The following PRKCA variants were observed in gnomAD, a reference collection of about 807,000 sequenced individuals.
The protein encoded by PRKCA is protein kinase C alpha type.
PRKCA carries 27 observed loss-of-function variants against 87.0 expected under a neutral mutation model. That is an observed-to-expected ratio of 0.31 (90% CI 0.23 to 0.43). The LOEUF is 0.43. Ranked by LOEUF, PRKCA falls within the 20% of genes least tolerant of loss-of-function variation. The pLI is 1.00. For synonymous variants in PRKCA, 329 were observed against 311.1 expected, an observed-to-expected ratio of 1.06 and a Z score of -0.61; for missense variants, 518 against 852.3, an observed-to-expected ratio of 0.61 and a Z score of 4.88.
intron 3 of PRKCA, among the ~76,000 whole-genome samples, chr17:66,507,980 G>C (rs1249257881): frequency 6.6e-6 from 1 of 152,220 alleles, no homozygotes; most frequent in Non-Finnish European, 1.5e-5. Flanking sequence ...TTGGTTTACT[G>C]TGGGTATTCT....
At chr17:66,718,024 A>T (rs2144149125) in intron 8 of PRKCA, among the ~76,000 whole-genome samples, 1 of 152,276 alleles carries the variant, frequency 6.6e-6, no homozygotes, top group Admixed American at 6.5e-5. Context: ...CGTCAGAAGG[A>T]AGTGGGGTGG....
At chr17:66,486,355 CTG>C (rs1408697044) in intron 2 of PRKCA, among the ~76,000 whole-genome samples, 1 of 152,148 alleles carries the variant, frequency 6.6e-6, no homozygotes, top group Non-Finnish European at 1.5e-5. Flanking sequence ...AAGAAGGAGA[CTG>C]TTTATCTGTT....
intron 2 of PRKCA, among the ~76,000 whole-genome samples, chr17:66,392,238 CA>C (rs200825654): frequency 0.013 from 1,952 of 147,954 alleles, 58 homozygotes; most frequent in African/African-American, 0.046. Flanking sequence ...TCAACAACAA[CA>C]AAAAAAAAAA....
intron 2 of PRKCA, among the ~76,000 whole-genome samples, chr17:66,374,719 C>CTTTTTTTTTT (rs35431248): frequency 4.3e-5 from 5 of 115,828 alleles, no homozygotes; most frequent in Non-Finnish European, 5.1e-5. Flanking sequence ...GAGTTGCATT[C>CTTTTTTTTTT]TTTTTTTTTT....
chr17:66,621,289 A>C (rs1970673776), intron 3 of PRKCA, among the ~76,000 whole-genome samples: 1 of 152,224 alleles, frequency 6.6e-6, no homozygotes, highest in African/African-American at 2.4e-5. Flanking sequence ...AATTCTTGGA[A>C]TTCAAGTGTG....
chr17:66,737,243 G>A (rs1364947456), intron 10 of PRKCA, among the ~76,000 whole-genome samples: 23 of 150,954 alleles, frequency 1.5e-4, no homozygotes, highest in Admixed American at 1.5e-3. Context: ...GGCGCCTGTA[G>A]TCCCAGCTAC....
intron 3 of PRKCA, among the ~76,000 whole-genome samples, chr17:66,593,573 G>C (rs1378963599): frequency 6.6e-6 from 1 of 152,188 alleles, no homozygotes; most frequent in Admixed American, 6.5e-5. Flanking sequence ...GGGAGGAGGG[G>C]TTCCTATCAC....
chr17:66,531,494 C>T (rs1385121912), intron 3 of PRKCA, among the ~76,000 whole-genome samples: 2 of 152,196 alleles, frequency 1.3e-5, no homozygotes, highest in East Asian at 3.9e-4. Context: ...CTGCCTAAAG[C>T]TCGATTATTT....
chr17:66,428,968 A>G (rs1912959976), intron 2 of PRKCA, among the ~76,000 whole-genome samples: 1 of 152,336 alleles, frequency 6.6e-6, no homozygotes, highest in Middle Eastern at 3.4e-3. Flanking sequence ...ACATGAAAGT[A>G]TTAGGTAAAG....
At chr17:66,720,562 G>A (rs993769006) in intron 8 of PRKCA, among the ~76,000 whole-genome samples, 3 of 152,206 alleles carry the variant, frequency 2.0e-5, no homozygotes, top group African/African-American at 7.2e-5. Context: ...TGCAGTGGGT[G>A]CAGGTAAAGG....
chr17:66,770,974 G>A lies in PRKCA; in HGVS notation c.1525-3013G>A, dbSNP rs540385321. Among the ~76,000 whole-genome samples, 5 of 151,660 alleles carry A rather than the reference G, an allele frequency of 3.3e-5. No individual in the cohort carries two copies. The South Asian group carries it at 6.3e-4, about 19-fold the overall frequency. On this transcript the variant is annotated intron_variant, in intron 13 of 16. Coordinates refer to ENST00000413366, the MANE Select transcript of PRKCA (RefSeq NM_002737.3). ...CACTTGTTTACTGGTGGGAGTGAGC[G>A]TGCTACTGTTTTGAGTAACCTGGCA...
intron 3 of PRKCA, among the ~76,000 whole-genome samples, chr17:66,503,695 C>T (rs1023844985): frequency 2.6e-5 from 4 of 152,148 alleles, no homozygotes; most frequent in African/African-American, 9.7e-5. Flanking sequence ...TTCTCTCTTT[C>T]TCCAGTCCTT....
At chr17:66,502,201 T>C (rs910407713) in intron 3 of PRKCA, among the ~76,000 whole-genome samples, 1 of 150,086 alleles carries the variant, frequency 6.7e-6, no homozygotes, top group Non-Finnish European at 1.5e-5. Context: ...TATGTATTTG[T>C]GTGTGTATGT....
chr17:66,466,589 C>G (rs769029698), intron 2 of PRKCA, among the ~76,000 whole-genome samples: 4 of 152,194 alleles, frequency 2.6e-5, no homozygotes, highest in Non-Finnish European at 4.4e-5. Context: ...TTTGGCCACA[C>G]TGAACATTTA....
chr17:66,607,480 A>G (rs1482887015), intron 3 of PRKCA, among the ~76,000 whole-genome samples: 2 of 152,262 alleles, frequency 1.3e-5, no homozygotes, highest in Non-Finnish European at 1.5e-5. Flanking sequence ...AGATAAAAAT[A>G]TACTTAATTT....
In PRKCA at chr17:66,352,558, G is replaced by GTTTTTT. The variant is rs56317931; in HGVS notation, c.205+46450_205+46455dup. Among the ~76,000 whole-genome samples the GTTTTTT allele has an allele frequency of 1.9e-3, 158 of 83,748 alleles. 6 individuals are homozygous for GTTTTTT. The highest frequency in any genetic ancestry group is 3.5e-3 in the East Asian group (8 of 2,298). The allele number at this position is 83,748 out of a possible 152,430, so 54.9% of individuals were successfully genotyped here. ...TCTTGAATTTGTGGTGTTTTTTGAG[G>GTTTTTT]TTTTTTTTTTTTTTTTTTTTTTTTG... On this transcript the variant is annotated intron_variant, in intron 2 of 16. Coordinates refer to ENST00000413366, the MANE Select transcript of PRKCA (RefSeq NM_002737.3).
Position 66,681,983 on chromosome 17 carries a change from C to T in PRKCA, c.530-5128C>T, listed in dbSNP as rs184105213. Among the ~76,000 whole-genome samples, 4 of 152,346 alleles carry T rather than the reference C, an allele frequency of 2.6e-5. No individual in the cohort carries two copies. The East Asian group carries it at 7.7e-4, about 29-fold the overall frequency. ...AAAATCACTGGCTTCATTGCCTAGC[C>T]TGCACTGTGCCATCTACTGTGGTGC... On this transcript the variant is annotated intron_variant, in intron 5 of 16. Transcript: ENST00000413366.
chr17:66,682,714 T>C (rs1972524360), intron 5 of PRKCA, among the ~76,000 whole-genome samples: 2 of 152,086 alleles, frequency 1.3e-5, no homozygotes, highest in African/African-American at 4.8e-5. Flanking sequence ...ATTTTGTTGT[T>C]GTTGTTGTTG....
chr17:66,316,362 A>G (rs1905317723), intron 2 of PRKCA, among the ~76,000 whole-genome samples: 1 of 152,224 alleles, frequency 6.6e-6, no homozygotes, highest in African/African-American at 2.4e-5. Flanking sequence ...AGATTACTGT[A>G]TCTACATGTA....
Sources: gnomAD v4.1 joint callset for allele counts (sites outside exome capture counted in the v4.1 genomes callset) on GRCh38, gnomAD v4.1.1 for gene constraint, MANE v1.5 for transcripts, NCBI Gene and HGNC (gene_info 2026-07-23, HGNC 2026-07-21) for gene names.